STING1: variants seen among roughly 807,000 people sequenced by gnomAD.
STING1 encodes the protein stimulator of interferon genes protein.
Under a neutral mutation model 31.6 loss-of-function variants are expected in STING1, and 19 were observed. The observed-to-expected ratio is 0.60, with a 90% CI of 0.42 to 0.88. STING1 has a LOEUF of 0.88. Among genes scored for constraint, STING1 ranks in the 40% least tolerant of loss-of-function variants. STING1 has a pLI of 0.00. For missense variants in STING1, 371 were observed against 483.7 expected (o/e 0.77, Z 2.19); for synonymous variants, 200 against 208.6 (o/e 0.96, Z 0.35).
chr5:139,478,598 G>T, intron 5 of STING1, 90 bp from the exon 6 acceptor site: 2 of 1,130,592 alleles, frequency 1.8e-6, no homozygotes, highest in Non-Finnish European at 2.6e-6. Flanking sequence ...CCCCCGCAGT[G>T]TGTGGGTGCC....
At chr5:139,476,580 A>C in intron 7 of STING1, 126 bp from the exon 8 acceptor site, 1 of 793,344 alleles carries the variant, frequency 1.3e-6, no homozygotes, top group Non-Finnish European at 2.0e-6. Context: ...AGCCCCAGCC[A>C]CTGGGACTAG....
chr5:139,482,021 G>A lies in STING1; in HGVS notation c.-1+189C>T, dbSNP rs564963549. 8.0e-5 allele frequency: 22 copies of A among 274,480 alleles called. 1 individual carries two copies. The South Asian group carries it at 1.5e-3, about 19-fold the overall frequency. 17.0% of individuals were successfully genotyped at this position (274,480 alleles called of 1,614,324 possible). ...AGACTTGAAGCTGTCCTGTGCAGCC[G>A]TACCCAACCAAGAACCCTTGGGGAC... On this transcript the variant is annotated intron_variant, in intron 2 of 7. Transcript: ENST00000330794.
Position 139,475,988 on chromosome 5 carries a change from A to G in STING1, c.*273T>C, listed in dbSNP as rs761423121. The G allele has an allele frequency of 2.7e-6, 1 of 365,830 alleles. No homozygotes were observed. The highest frequency in any genetic ancestry group is 5.0e-6 in the Non-Finnish European group (1 of 199,402). 22.7% of individuals were successfully genotyped at this position (365,830 alleles called of 1,614,324 possible). ...GTACACTAGCATCCAAAGTTTATGA[A>G]AAACTTCCACACACTCAGTCCTCAC... is the stretch of plus-strand genomic sequence containing the variant. On this transcript the variant is annotated 3_prime_UTR_variant, in exon 8 of 8. Transcript: ENST00000330794.
rs924025427 is a variant in STING1, at chr5:139,475,907, A to G, written c.*354T>C. 2.2e-5 allele frequency: 4 copies of G among 178,418 alleles called. No homozygotes were observed. Among genetic ancestry groups the G allele is most frequent in the Admixed American group, 5.7e-5 (1 of 17,406 alleles). The allele number at this position is 178,418 out of a possible 1,614,324, so 11.1% of individuals were successfully genotyped here. On this transcript the variant is annotated 3_prime_UTR_variant, in exon 8 of 8. Coordinates refer to ENST00000330794, the MANE Select transcript of STING1 (RefSeq NM_198282.4). ...GCGTCCCCGGGCAAAGGAAGGGGAGAAGGGTGGGGAGTGGGTCTGGAAGGC... is the reference window on the plus strand; with the variant it reads ...GCGTCCCCGGGCAAAGGAAGGGGAGGAGGGTGGGGAGTGGGTCTGGAAGGC...
chr5:139,475,719 G>T lies in STING1; in HGVS notation c.*542C>A, dbSNP rs1246195706. The T allele has an allele frequency of 6.6e-6, 1 of 152,568 alleles. No homozygotes were observed. The highest frequency in any genetic ancestry group is 1.5e-5 in the Non-Finnish European group (1 of 68,358). 9.5% of individuals were successfully genotyped at this position (152,568 alleles called of 1,614,324 possible). A position where few individuals can be genotyped will look rare whatever the true frequency, so the allele number is the denominator to read the frequency against. On this transcript the variant is annotated 3_prime_UTR_variant, in exon 8 of 8. Coordinates refer to ENST00000330794, the MANE Select transcript of STING1 (RefSeq NM_198282.4). ...ATTACGCAAGAGTTGCCCGGCAGGA[G>T]AGTCCATAGCAACCTTGATGCTGCA...
intron 7 of STING1, 97 bp downstream of exon 7, chr5:139,477,232 G>GT: frequency 3.1e-6 from 4 of 1,284,728 alleles, no homozygotes; most frequent in Non-Finnish European, 4.4e-6. Flanking sequence ...CCAGGGCATG[G>GT]TGCTCCATAG....
intron 5 of STING1, chr5:139,478,834 G>T: frequency 3.2e-6 from 1 of 310,148 alleles, no homozygotes; most frequent in South Asian, 4.2e-5. Flanking sequence ...GTGCACAGAG[G>T]GAGGCCTCTA....
Position 139,481,913 on chromosome 5 carries a change from A to G in STING1, c.1-209T>C. On this transcript the variant is annotated intron_variant, in intron 2 of 7. Transcript: ENST00000330794. This position sits in a 1 kb window ranked among gnomAD's most constrained non-coding sequence, Gnocchi z 4.1. The stretch of plus-strand genomic sequence containing the variant: ...CAGCGAGGTTTGCTGAAAACAGAGC[A>G]GGGCCTGCACATACACGCCCCACCA... The G allele has an allele frequency of 3.5e-6, 2 of 574,272 alleles. No individual in the cohort carries two copies. Among genetic ancestry groups the G allele is most frequent in the South Asian group, 4.6e-5 (2 of 43,634 alleles). 35.6% of individuals were successfully genotyped at this position (574,272 alleles called of 1,614,324 possible). A position where few individuals can be genotyped will look rare whatever the true frequency, so the allele number is the denominator to read the frequency against.
In STING1 at chr5:139,480,800, C is replaced by G. The variant is rs200049390; in HGVS notation, c.510G>C (p.Leu170=). 1.8e-4 allele frequency: 283 copies of G among 1,612,706 alleles called. 3 individuals are homozygous for G. The East Asian group carries it at 6.1e-3, about 35-fold the overall frequency. ...GAGAGGATGGCCCACCTGGCAGGATCAGCCGCAGATATCCGATGTAATATG... is the reference window on the plus strand; with the variant it reads ...GAGAGGATGGCCCACCTGGCAGGATGAGCCGCAGATATCCGATGTAATATG... ...AWSYYIGYLR[L]ILPELQARIR... The change falls in exon 5 of 8, where the codon CTG becomes CTC. Residue 170 remains leucine, a synonymous_variant. Transcript: ENST00000330794.
chr5:139,478,360 A>G lies in STING1; in HGVS notation c.669T>C (p.Asp223=), dbSNP rs1170190663. 4 of 1,614,154 alleles carry G rather than the reference A, an allele frequency of 2.5e-6. No individual in the cohort carries two copies. The highest frequency in any genetic ancestry group is 3.4e-6 in the Non-Finnish European group (4 of 1,180,030). The stretch of plus-strand genomic sequence containing the variant: ...GGTCACCGGTCTGCTGGGGCAGTTT[A>G]TCCAGGAAGCGAATGTTGGGGTCAG... The part of the protein sequence containing the change: ...SMADPNIRFL[D]KLPQQTGDHA... The change falls in exon 6 of 8, where the codon GAT becomes GAC. Residue 223 remains aspartate, a synonymous_variant. Transcript: ENST00000330794.
At chr5:139,477,182 C>T in intron 7 of STING1, 147 bp downstream of exon 7, 1 of 843,280 alleles carries the variant, frequency 1.2e-6, no homozygotes, top group East Asian at 2.5e-5. Flanking sequence ...ATCTGGTGTG[C>T]TGGGAAGAGG....
chr5:139,478,363 C>T lies in STING1; in HGVS notation c.666G>A (p.Leu222=). 6.2e-7 allele frequency: 1 copy of T among 1,614,162 alleles called. No homozygotes were observed. Among genetic ancestry groups the T allele is most frequent in the Non-Finnish European group, 8.5e-7 (1 of 1,180,022 alleles). The change falls in exon 6 of 8, where the codon CTG becomes CTA. Residue 222 remains leucine, a synonymous_variant. Transcript: ENST00000330794. ...CACCGGTCTGCTGGGGCAGTTTATC[C>T]AGGAAGCGAATGTTGGGGTCAGCCA... ...LSMADPNIRF[L]DKLPQQTGDH... is the part of the protein sequence containing the mutation.
At chr5:139,480,652 C>T (rs553016274) in intron 5 of STING1, 138 bp downstream of exon 5, 15 of 641,996 alleles carry the variant, frequency 2.3e-5, no homozygotes, top group Admixed American at 1.0e-4. Context: ...TCCTTCATGC[C>T]TTGGGATTAA....
In STING1 at chr5:139,479,848, C is replaced by CAAAAAAAAAAA. The variant is rs1168023127; in HGVS notation, c.520+931_520+941dup. 2.5e-3 allele frequency among the ~76,000 whole-genome samples: 86 copies of CAAAAAAAAAAA among 34,906 alleles called. 8 individuals carry two copies. The highest frequency in any genetic ancestry group is 3.0e-3 in the Non-Finnish European group (72 of 23,888). 22.9% of individuals were successfully genotyped at this position (34,906 alleles called of 152,430 possible). A position where few individuals can be genotyped will look rare whatever the true frequency, so the allele number is the denominator to read the frequency against. On this transcript the variant is annotated intron_variant, in intron 5 of 7. Coordinates refer to ENST00000330794, the MANE Select transcript of STING1 (RefSeq NM_198282.4). The stretch of plus-strand genomic sequence containing the variant: ...TGAAACCCTGTCTCTACTAAAAATA[C>CAAAAAAAAAAA]AAAAAAAAAAAAAAAAAAAAAAAAA...
At chr5:139,479,991 G>A (rs1281025245) in intron 5 of STING1, among the ~76,000 whole-genome samples, 2 of 139,998 alleles carry the variant, frequency 1.4e-5, no homozygotes, top group African/African-American at 2.6e-5. Flanking sequence ...GCAACAGAGT[G>A]AGACTTTGTC....
chr5:139,478,128 C>G (rs933916386), intron 6 of STING1, 142 bp downstream of exon 6: 12 of 684,352 alleles, frequency 1.8e-5, no homozygotes, highest in Middle Eastern at 4.2e-4. Context: ...TCATTCAGAG[C>G]TGAATCCTGC....
Position 139,477,429 on chromosome 5 carries a change from C to T in STING1, c.846G>A (p.Glu282=), listed in dbSNP as rs1751695966. 1.2e-6 allele frequency: 2 copies of T among 1,614,236 alleles called. No individual in the cohort carries two copies. The highest frequency in any genetic ancestry group is 1.1e-5 in the South Asian group (1 of 91,086). Residue 282 remains glutamate, a synonymous_variant, in exon 7 of 8, where the codon GAG becomes GAA. Transcript: ENST00000330794. ...SQYSQAGFSR[E]DRLEQAKLFC... is the part of the protein sequence containing the mutation. Reference sequence around the variant, plus strand: ...AGAGTTTGGCCTGCTCAAGCCTATCCTCCCGGCTAAAGCCAGCTTGACTGT... The same window carrying T: ...AGAGTTTGGCCTGCTCAAGCCTATCTTCCCGGCTAAAGCCAGCTTGACTGT...
Position 139,476,325 on chromosome 5 carries a change from T to C in STING1, c.1076A>G (p.Gln359Arg), listed in dbSNP as rs141830680. 81 of 1,611,962 alleles carry C rather than the reference T, an allele frequency of 5.0e-5. 2 individuals are homozygous for C. In the African/African-American group the frequency reaches 8.0e-4, roughly 16 times the overall value. Reference protein sequence around the residue: ...SAVPSTSTMSQEPELLISGME... With the variant: ...SAVPSTSTMSREPELLISGME... ...TCCACTGATGAGGAGCTCAGGCTCT[T>C]GGGACATCGTGGAGGTACTGGGCAC... is the stretch of plus-strand genomic sequence containing the variant. The change falls in exon 8 of 8, where the codon CAA becomes CGA. Residue 359 changes from glutamine to arginine, a missense_variant. Transcript: ENST00000330794.
Position 139,481,092 on chromosome 5 carries a change from C to T in STING1, c.411+67G>A. On this transcript the variant is annotated intron_variant, in intron 4 of 7. Transcript: ENST00000330794. This position sits in a 1 kb window ranked among gnomAD's most constrained non-coding sequence, Gnocchi z 4.1. The stretch of plus-strand genomic sequence containing the variant: ...AACCAGTCCCACTCCCAGTACTCAG[C>T]TCAGGGCAGGTCACACCAGCCACAG... 1 of 1,518,274 alleles carries T rather than the reference C, an allele frequency of 6.6e-7. No individual in the cohort carries two copies. The highest frequency in any genetic ancestry group is 1.1e-5 in the South Asian group (1 of 88,534). The allele number at this position is 1,518,274 out of a possible 1,614,324, so 94.1% of individuals were successfully genotyped here.
Sources: gnomAD v4.1 joint callset for allele counts (sites outside exome capture counted in the v4.1 genomes callset) on GRCh38, gnomAD v4.1.1 for gene constraint, Gnocchi (gnomAD v3.1) non-coding constraint, MANE v1.5 for transcripts, NCBI Gene and HGNC (gene_info 2026-07-23, HGNC 2026-07-21) for gene names.